FHIT: variants seen among roughly 807,000 people sequenced by gnomAD.
FHIT encodes bis(5'-adenosyl)-triphosphatase.
In FHIT, 19 loss-of-function variants were observed where a neutral mutation model predicts 17.9. The observed-to-expected ratio is 1.06, with a 90% confidence interval of 0.74 to 1.56. The LOEUF (loss-of-function observed/expected upper bound fraction) is 1.56. Ranked by LOEUF, FHIT falls within the 40% of genes most tolerant of loss-of-function variation. FHIT has a pLI of 0.00. For synonymous variants in FHIT, 81 were observed against 69.7 expected (o/e 1.16, Z -0.81); for missense variants, 248 against 189.2 (o/e 1.31, Z -1.82).
At chr3:60,562,019 C>T (rs1373999644) in intron 4 of FHIT, among the ~76,000 whole-genome samples, 1 of 152,044 alleles carries the variant, frequency 6.6e-6, no homozygotes, top group African/African-American at 2.4e-5. Flanking sequence ...TAACTTGATC[C>T]ACTAGTTATT....
chr3:60,656,216 C>T (rs2040111746), intron 4 of FHIT, among the ~76,000 whole-genome samples: 1 of 152,158 alleles, frequency 6.6e-6, no homozygotes, highest in Admixed American at 6.5e-5. Flanking sequence ...AAATGTCATT[C>T]TTCTACACTT....
chr3:60,146,871 T>C (rs939808380), intron 5 of FHIT, among the ~76,000 whole-genome samples: 1 of 152,130 alleles, frequency 6.6e-6, no homozygotes, highest in African/African-American at 2.4e-5. Context: ...GAAAATAAAA[T>C]GTGTTTTGAA....
intron 5 of FHIT, among the ~76,000 whole-genome samples, chr3:60,526,145 C>G (rs1044974190): frequency 2.6e-5 from 4 of 151,244 alleles, no homozygotes; most frequent in Non-Finnish European, 5.9e-5. Context: ...CATACACACA[C>G]ACACACACAC....
Position 60,887,174 on chromosome 3 carries a change from A to G in FHIT, c.-110-65163T>C, listed in dbSNP as rs111723435. On this transcript the variant is annotated intron_variant, in intron 3 of 9. Transcript: ENST00000492590. Reference sequence around the variant, plus strand: ...TTCTCTTAGATGGCCTTGGCCATCTAAGAAGCTCAGAGCAGAACTAACTTG... The same window carrying G: ...TTCTCTTAGATGGCCTTGGCCATCTGAGAAGCTCAGAGCAGAACTAACTTG... 4.8e-4 allele frequency among the ~76,000 whole-genome samples: 72 copies of G among 149,536 alleles called. 2 individuals are homozygous for G. The highest frequency in any genetic ancestry group is 3.5e-3 in the Middle Eastern group (1 of 288).
intron 5 of FHIT, among the ~76,000 whole-genome samples, chr3:60,403,154 GAC>G (rs4021919): frequency 0.01 from 1,564 of 152,266 alleles, 16 homozygotes; most frequent in Middle Eastern, 0.054. Flanking sequence ...GATAGACAAA[GAC>G]AGAAAAAGCA....
intron 5 of FHIT, among the ~76,000 whole-genome samples, chr3:60,106,128 C>T (rs1017056182): frequency 6.6e-6 from 1 of 152,188 alleles, no homozygotes; most frequent in African/African-American, 2.4e-5. Flanking sequence ...CTGTTAGATA[C>T]TTAGTAGCTA....
intron 2 of FHIT, among the ~76,000 whole-genome samples, chr3:61,197,178 C>T (rs1203983904): frequency 6.6e-6 from 1 of 152,114 alleles, no homozygotes; most frequent in Non-Finnish European, 1.5e-5. Context: ...TAGTAATAAA[C>T]TGATGTTATG....
At chr3:61,059,997 T>C (rs1483459271) in intron 2 of FHIT, among the ~76,000 whole-genome samples, 1 of 152,054 alleles carries the variant, frequency 6.6e-6, no homozygotes, top group African/African-American at 2.4e-5. Flanking sequence ...TGAGTGTGTG[T>C]GTGTAGGTGT....
intron 2 of FHIT, among the ~76,000 whole-genome samples, chr3:61,188,057 C>T (rs1426721257): frequency 6.6e-6 from 1 of 152,090 alleles, no homozygotes; most frequent in African/African-American, 2.4e-5. Flanking sequence ...CAAAAGCTAG[C>T]AGAAGGCAAG....
intron 5 of FHIT, among the ~76,000 whole-genome samples, chr3:60,149,294 C>T (rs1038914355): frequency 2.0e-5 from 3 of 151,480 alleles, no homozygotes; most frequent in African/African-American, 7.3e-5. Context: ...ATGAGGAACA[C>T]AGTCCACCAG....
At chr3:61,047,469 A>T (rs762498733) in intron 2 of FHIT, among the ~76,000 whole-genome samples, 2 of 152,212 alleles carry the variant, frequency 1.3e-5, no homozygotes, top group Non-Finnish European at 2.9e-5. Flanking sequence ...CCACTGCTCA[A>T]CGAAATAAAA....
chr3:60,135,242 C>G (rs1699766870), intron 5 of FHIT, among the ~76,000 whole-genome samples: 1 of 152,038 alleles, frequency 6.6e-6, no homozygotes, highest in Non-Finnish European at 1.5e-5. Flanking sequence ...AATTCGGCAC[C>G]CAGGGCTGAG....
At chr3:61,114,538 C>T (rs1230823062) in intron 2 of FHIT, among the ~76,000 whole-genome samples, 1 of 152,054 alleles carries the variant, frequency 6.6e-6, no homozygotes, top group African/African-American at 2.4e-5. Flanking sequence ...CACATAAGTG[C>T]TTGGCATAGA....
rs538771071 is a variant in FHIT at position 60,673,457 on chromosome 3, C to A, written c.-17-136478G>T. Reference sequence around the variant, plus strand: ...GCATGTTCTCACTCATAAGTGGGAGCTGACCAATGAGAACACATGGCCACA... The same window carrying A: ...GCATGTTCTCACTCATAAGTGGGAGATGACCAATGAGAACACATGGCCACA... On this transcript the variant is annotated intron_variant, in intron 4 of 9. Coordinates refer to ENST00000492590, the MANE Select transcript of FHIT (RefSeq NM_002012.4). 2.2e-3 allele frequency among the ~76,000 whole-genome samples: 338 copies of A among 152,050 alleles called. 3 individuals are homozygous for A. Among genetic ancestry groups the A allele is most frequent in the African/African-American group, 7.7e-3 (321 of 41,480 alleles).
chr3:60,020,234 A>G (rs1700502722), intron 5 of FHIT, among the ~76,000 whole-genome samples: 1 of 152,244 alleles, frequency 6.6e-6, no homozygotes, highest in African/African-American at 2.4e-5. Flanking sequence ...CTCATCAAGG[A>G]TAATAATTGA....
At chr3:60,553,080 T>C (rs953343335) in intron 4 of FHIT, among the ~76,000 whole-genome samples, 2 of 152,240 alleles carry the variant, frequency 1.3e-5, no homozygotes, top group African/African-American at 2.4e-5. Flanking sequence ...TCTGGCCACC[T>C]GAGACCCTGA....
chr3:60,918,622 G>T (rs946227007), intron 3 of FHIT, among the ~76,000 whole-genome samples: 1 of 152,158 alleles, frequency 6.6e-6, no homozygotes, highest in Non-Finnish European at 1.5e-5. Flanking sequence ...ATCTGGGAAA[G>T]GAAACCAGGA....
intron 4 of FHIT, among the ~76,000 whole-genome samples, chr3:60,566,405 A>G (rs1434035386): frequency 6.6e-6 from 1 of 152,182 alleles, no homozygotes; most frequent in Admixed American, 6.5e-5. Context: ...ACAAAATTCA[A>G]CAACGCTTCA....
chr3:60,988,105 C>T (rs1251653787), intron 3 of FHIT, among the ~76,000 whole-genome samples: 1 of 152,154 alleles, frequency 6.6e-6, no homozygotes, highest in Admixed American at 6.6e-5. Flanking sequence ...ACAGTTACTG[C>T]TTTAAAAATC....
Sources: allele counts gnomAD v4.1 joint callset (sites outside exome capture counted in the v4.1 genomes callset), GRCh38; gene constraint gnomAD v4.1.1; transcripts MANE v1.5; gene names NCBI Gene and HGNC (gene_info 2026-07-23, HGNC 2026-07-21).